Variants in KCNH6 observed in about 807,000 individuals in gnomAD.
The protein encoded by KCNH6 is potassium voltage-gated channel subfamily H member 6.
A neutral mutation model predicts 83.4 loss-of-function variants in KCNH6; 81 were observed. The ratio of observed to expected loss-of-function variants is 0.97; its 90% confidence interval spans 0.81 to 1.17. KCNH6 has a LOEUF of 1.17. Ranked by LOEUF, KCNH6 falls within the 50% of genes most tolerant of loss-of-function variation. The pLI is 0.00. For synonymous variants in KCNH6, 503 were observed against 545.6 expected (o/e 0.92, Z 1.09); for missense variants, 1,203 against 1,290.5 (o/e 0.93, Z 1.04).
intron 11 of KCNH6, 28 bp from the exon 12 acceptor site, chr17:63,545,050 A>G (rs753863159): frequency 3.1e-6 from 5 of 1,607,926 alleles, no homozygotes; most frequent in Non-Finnish European, 4.2e-6. Context: ...GCCAGCCCTG[A>G]CCCTGACTGT....
At position 63,538,853 on chromosome 17, in the gene KCNH6, G is replaced by T. The variant is rs142193777; in HGVS notation, c.1954+191G>T. Among the ~76,000 whole-genome samples the T allele has an allele frequency of 1.1e-4, 16 of 152,354 alleles. No individual in the cohort carries two copies. Among genetic ancestry groups the T allele is most frequent in the African/African-American group, 3.8e-4 (16 of 41,578 alleles). On this transcript the variant is annotated intron_variant, in intron 8 of 12. Coordinates refer to ENST00000314672, the MANE Select transcript of KCNH6 (RefSeq NM_001278919.2). This position sits in a 1 kb window ranked among gnomAD's most constrained non-coding sequence, Gnocchi z 4.0. Reference sequence around the variant, plus strand: ...TCCTTAAAACAACCCTCTGCCGGAGGTCCCATTTTCCTGAGAGGGAAGTTG... The same window carrying T: ...TCCTTAAAACAACCCTCTGCCGGAGTTCCCATTTTCCTGAGAGGGAAGTTG...
intron 8 of KCNH6, among the ~76,000 whole-genome samples, chr17:63,540,075 C>A (rs1359577164): frequency 6.6e-6 from 1 of 152,214 alleles, no homozygotes. Flanking sequence ...CCCAGTTGTC[C>A]TCCAAGGCTG....
At chr17:63,532,519 A>C (rs1226321809) in intron 4 of KCNH6, among the ~76,000 whole-genome samples, 1 of 152,102 alleles carries the variant, frequency 6.6e-6, no homozygotes. Context: ...AAAGAGCCCA[A>C]GTCTATGTGG....
intron 4 of KCNH6, among the ~76,000 whole-genome samples, chr17:63,532,196 T>C (rs2032166096): frequency 6.6e-6 from 1 of 152,158 alleles, no homozygotes; most frequent in African/African-American, 2.4e-5. Context: ...CCCCCCACCA[T>C]TCCTTCTGTC....
intron 2 of KCNH6, among the ~76,000 whole-genome samples, chr17:63,526,156 G>A (rs372383058): frequency 1.8e-4 from 28 of 152,226 alleles, no homozygotes; most frequent in East Asian, 1.7e-3. Flanking sequence ...GCTGACCCTC[G>A]GTGAAAATGG....
chr17:63,530,257 G>C lies in KCNH6; in HGVS notation c.469+5G>C. The C allele has an allele frequency of 1.9e-6, 3 of 1,613,982 alleles. No homozygotes were observed. Among genetic ancestry groups the C allele is most frequent in the Middle Eastern group, 1.6e-4 (1 of 6,062 alleles). The stretch of plus-strand genomic sequence containing the variant: ...CCCAGAGCTTCCTGGGCTCCGGTGA[G>C]GCAGAGTGAGGGTGGTGGTGGGAGG... On this transcript the variant is annotated splice_donor_5th_base_variant and intron_variant, in intron 3 of 12. Transcript: ENST00000314672.
At chr17:63,532,218 C>T (rs184268221) in intron 4 of KCNH6, among the ~76,000 whole-genome samples, 27 of 152,342 alleles carry the variant, frequency 1.8e-4, no homozygotes, top group African/African-American at 6.5e-4. Context: ...CCCTCCCACT[C>T]CCCACCCAGG....
rs544758929 is a variant in KCNH6, at chr17:63,536,118, G to A, written c.1501+50G>A. On this transcript the variant is annotated intron_variant, in intron 6 of 12. Transcript: ENST00000314672. ...CTAACTTCATGCTCTGGTCTTACCC[G>A]TGAAATTTTATGTGTAGTTTTGTAC... 162 of 1,541,758 alleles carry A rather than the reference G, an allele frequency of 1.1e-4. 2 individuals are homozygous for A. The South Asian group carries it at 1.3e-3, about 13-fold the overall frequency.
In KCNH6 at chr17:63,523,374, A is replaced by C. The variant is rs747081048; in HGVS notation, c.-40A>C. The C allele has an allele frequency of 8.4e-6, 13 of 1,554,072 alleles. No homozygotes were observed. The highest frequency in any genetic ancestry group is 1.1e-5 in the Non-Finnish European group (13 of 1,152,008). Reference sequence around the variant, plus strand: ...AGGACAGACGGAGACGCCGGGAGCCAGTGGCGCCTGTGGCTCCGGGCAGGG... The same window carrying C: ...AGGACAGACGGAGACGCCGGGAGCCCGTGGCGCCTGTGGCTCCGGGCAGGG... On this transcript the variant is annotated 5_prime_UTR_variant, in exon 1 of 13. Transcript: ENST00000314672. The surrounding 1 kb of genome is among the most constrained non-coding windows in gnomAD (Gnocchi z 4.2).
In KCNH6 at chr17:63,545,581, G is replaced by A. The variant is rs372996625; in HGVS notation, c.2584-28G>A. On this transcript the variant is annotated intron_variant, in intron 12 of 12. Coordinates refer to ENST00000314672, the MANE Select transcript of KCNH6 (RefSeq NM_001278919.2). Reference sequence around the variant, plus strand: ...GGATTAACCCGCAGCCTGGCCTGGGGTGCATCCCTCTTTCTTGCTCCTCCC... The same window carrying A: ...GGATTAACCCGCAGCCTGGCCTGGGATGCATCCCTCTTTCTTGCTCCTCCC... 596 of 1,599,454 alleles carry A rather than the reference G, an allele frequency of 3.7e-4. 1 individual carries two copies. The Middle Eastern group carries it at 9.7e-3, about 26-fold the overall frequency.
At chr17:63,531,629 C>T (rs797016417) in intron 4 of KCNH6, among the ~76,000 whole-genome samples, 9 of 152,232 alleles carry the variant, frequency 5.9e-5, no homozygotes, top group Admixed American at 1.3e-4. Context: ...GAGGGTGGGA[C>T]GCCAGGCTGC....
At position 63,527,035 on chromosome 17, in the gene KCNH6, C is replaced by T. The variant is rs116276583; in HGVS notation, c.307+2666C>T. ...AAAGGAGAGCACTCAGATCCCCCCA[C>T]TGTCACCCACGCCTGCCCCGCACTG... On this transcript the variant is annotated intron_variant, in intron 2 of 12. Coordinates refer to ENST00000314672, the MANE Select transcript of KCNH6 (RefSeq NM_001278919.2). 3.6e-3 allele frequency among the ~76,000 whole-genome samples: 550 copies of T among 152,270 alleles called. 4 individuals are homozygous for T. Among genetic ancestry groups the T allele is most frequent in the African/African-American group, 0.012 (508 of 41,564 alleles).
chr17:63,543,978 G>A (rs1389171262), intron 10 of KCNH6: 3 of 1,238,556 alleles, frequency 2.4e-6, no homozygotes, highest in East Asian at 2.5e-5. Context: ...TCCCTGGGCA[G>A]TGAAACCAGT....
intron 2 of KCNH6, 95 bp downstream of exon 2, chr17:63,524,464 C>A: frequency 9.9e-7 from 1 of 1,006,508 alleles, no homozygotes; most frequent in Non-Finnish European, 1.5e-6. Context: ...GACCCAGGGT[C>A]CAAAGGGCCT....
Position 63,538,395 on chromosome 17 carries a change from C to T in KCNH6, c.1702-15C>T, listed in dbSNP as rs1227440406. ...CCCGGCCGCGTCCCGCTGGACTTGG[C>T]CGCCCGCCTTGCAGGTGCTGAAGGG... On this transcript the variant is annotated splice_polypyrimidine_tract_variant and intron_variant, in intron 7 of 12. Coordinates refer to ENST00000314672, the MANE Select transcript of KCNH6 (RefSeq NM_001278919.2). The surrounding 1 kb of genome is among the most constrained non-coding windows in gnomAD (Gnocchi z 4.0). 6.3e-7 allele frequency: 1 copy of T among 1,588,962 alleles called. No homozygotes were observed. The highest frequency in any genetic ancestry group is 8.6e-7 in the Non-Finnish European group (1 of 1,169,310).
chr17:63,543,713 C>T (rs2032999907), intron 10 of KCNH6, 53 bp downstream of exon 10: 2 of 1,077,008 alleles, frequency 1.9e-6, no homozygotes, highest in South Asian at 2.5e-5. Flanking sequence ...GCCCAGCCTC[C>T]TACCCCTCCC....
In KCNH6 at chr17:63,538,421, C is replaced by A; in HGVS notation, c.1713C>A (p.Gly571=). 1 of 1,599,208 alleles carries A rather than the reference C, an allele frequency of 6.3e-7. No homozygotes were observed. Among genetic ancestry groups the A allele is most frequent in the South Asian group, 1.1e-5 (1 of 89,110 alleles). ...NGIDMNAVLK[G]FPECLQADIC... ...CGCCCGCCTTGCAGGTGCTGAAGGG[C>A]TTCCCCGAGTGCCTGCAGGCTGACA... Residue 571 remains glycine (G), a synonymous_variant, in exon 8 of 13, where the codon GGC becomes GGA. Coordinates refer to ENST00000314672, the MANE Select transcript of KCNH6 (RefSeq NM_001278919.2). This position sits in a 1 kb window ranked among gnomAD's most constrained non-coding sequence, Gnocchi z 4.0.
chr17:63,537,173 G>A (rs558921676), intron 6 of KCNH6, among the ~76,000 whole-genome samples: 2 of 152,198 alleles, frequency 1.3e-5, no homozygotes, highest in South Asian at 4.1e-4. Context: ...TAAAGTGCCA[G>A]AGGGCACACA....
At chr17:63,539,231 C>T (rs1292819662) in intron 8 of KCNH6, among the ~76,000 whole-genome samples, 2 of 152,172 alleles carry the variant, frequency 1.3e-5, no homozygotes, top group Non-Finnish European at 2.9e-5. Context: ...TTGCCTGCCC[C>T]ATGACTTCAT....
Sources: gnomAD v4.1 joint callset for allele counts (sites outside exome capture counted in the v4.1 genomes callset) on GRCh38, gnomAD v4.1.1 for gene constraint, Gnocchi (gnomAD v3.1) non-coding constraint, MANE v1.5 for transcripts, NCBI Gene and HGNC (gene_info 2026-07-23, HGNC 2026-07-21) for gene names.